Variants in CEP112 observed in about 807,000 individuals in gnomAD.
CEP112 encodes the protein centrosomal protein 112.
CEP112 carries 127 observed loss-of-function variants against 153.0 expected under a neutral mutation model. That is an observed-to-expected ratio of 0.83 (90% confidence interval 0.72 to 0.96). The LOEUF (loss-of-function observed/expected upper bound fraction) is 0.96, where lower values mean the gene tolerates loss of function less well. Ranked by LOEUF, CEP112 falls within the 40% of genes least tolerant of loss-of-function variation. CEP112 has a pLI of 0.00. For synonymous variants in CEP112, 358 were observed against 374.4 expected, an observed-to-expected ratio of 0.96 and a Z score of 0.51; for missense variants, 1,089 against 1,101.2, an observed-to-expected ratio of 0.99 and a Z score of 0.16.
At chr17:66,033,644 G>A (rs1229685075) in intron 12 of CEP112, among the ~76,000 whole-genome samples, 1 of 152,094 alleles carries the variant, frequency 6.6e-6, no homozygotes, top group Non-Finnish European at 1.5e-5. Flanking sequence ...CCACCTAAAT[G>A]TCATCTTGTG....
At chr17:65,994,467 A>G (rs780340977) in intron 17 of CEP112, among the ~76,000 whole-genome samples, 2 of 152,154 alleles carry the variant, frequency 1.3e-5, no homozygotes, top group South Asian at 4.1e-4. Context: ...AGCTAGGACT[A>G]TAGAGGCATG....
intron 12 of CEP112, among the ~76,000 whole-genome samples, chr17:66,032,989 C>T (rs1427985275): frequency 6.6e-6 from 1 of 152,060 alleles, no homozygotes; most frequent in Non-Finnish European, 1.5e-5. Context: ...GCATACATTC[C>T]AACTGTAGCT....
intron 19 of CEP112, among the ~76,000 whole-genome samples, chr17:65,906,937 T>C (rs2060106419): frequency 6.6e-6 from 1 of 152,192 alleles, no homozygotes; most frequent in Non-Finnish European, 1.5e-5. Flanking sequence ...TCAAAATCAT[T>C]TAAGCATGTA....
chr17:65,896,569 A>G (rs2059665962), intron 20 of CEP112, among the ~76,000 whole-genome samples: 1 of 152,072 alleles, frequency 6.6e-6, no homozygotes, highest in South Asian at 2.1e-4. Context: ...TTATTATTAA[A>G]TTCACATGTA....
intron 18 of CEP112, among the ~76,000 whole-genome samples, chr17:65,949,624 AAAG>A (rs1265499850): frequency 1.3e-5 from 2 of 152,222 alleles, no homozygotes; most frequent in African/African-American, 4.8e-5. Context: ...ACTCTTAGAT[AAAG>A]AAGAAGGAGA....
intron 6 of CEP112, among the ~76,000 whole-genome samples, chr17:66,125,987 A>G (rs2069831261): frequency 6.6e-6 from 1 of 152,196 alleles, no homozygotes; most frequent in South Asian, 2.1e-4. Flanking sequence ...GCTTCATTCA[A>G]TGGAAGATTT....
At chr17:65,707,571 T>A (rs1210107010) in intron 23 of CEP112, among the ~76,000 whole-genome samples, 1 of 152,186 alleles carries the variant, frequency 6.6e-6, no homozygotes, top group Non-Finnish European at 1.5e-5. Context: ...GGCTTCTCCT[T>A]GTACCAGTCT....
chr17:65,913,822 A>G, intron 19 of CEP112: 2 of 985,460 alleles, frequency 2.0e-6, no homozygotes, highest in Non-Finnish European at 2.4e-6. Flanking sequence ...GCAAGCTGAT[A>G]GATGAAGCAA....
intron 21 of CEP112, among the ~76,000 whole-genome samples, chr17:65,760,727 T>C (rs981581415): frequency 6.6e-6 from 1 of 152,130 alleles, no homozygotes; most frequent in Admixed American, 6.6e-5. Flanking sequence ...AATGCTTCTG[T>C]CTGGTTTTGG....
At chr17:65,939,877 C>T (rs944925653) in intron 18 of CEP112, among the ~76,000 whole-genome samples, 1 of 152,012 alleles carries the variant, frequency 6.6e-6, no homozygotes, top group Non-Finnish European at 1.5e-5. Context: ...CGAAGGCAAA[C>T]ACAGACAAAT....
intron 17 of CEP112, among the ~76,000 whole-genome samples, chr17:65,962,433 C>T (rs1025523844): frequency 5.9e-5 from 9 of 152,122 alleles, no homozygotes; most frequent in African/African-American, 1.9e-4. Context: ...TTTCTTCATA[C>T]CTTAGGCGGA....
At chr17:65,961,689 C>T (rs570436036) in intron 17 of CEP112, 91 bp from the exon 18 acceptor site, 4 of 1,219,098 alleles carry the variant, frequency 3.3e-6, no homozygotes, top group East Asian at 2.5e-5. Context: ...AAAATAAAAT[C>T]CAGATTTTAA....
intron 24 of CEP112, chr17:65,661,927 T>C (rs553004481): frequency 8.1e-5 from 12 of 148,266 alleles, no homozygotes; most frequent in African/African-American, 3.0e-4. Flanking sequence ...GTAATGAATA[T>C]ATATATGTGT....
At chr17:65,671,513 A>G (rs184961740) in intron 24 of CEP112, among the ~76,000 whole-genome samples, 1 of 152,206 alleles carries the variant, frequency 6.6e-6, no homozygotes, top group Non-Finnish European at 1.5e-5. Flanking sequence ...TCCCTGAACC[A>G]ACTGGAGATA....
chr17:65,926,627 C>T (rs1055596987), intron 19 of CEP112, among the ~76,000 whole-genome samples: 1 of 152,044 alleles, frequency 6.6e-6, no homozygotes, highest in Non-Finnish European at 1.5e-5. Context: ...GCAGAAGAAT[C>T]GCTTGAACCC....
At chr17:65,991,021 T>C (rs1279183911) in intron 17 of CEP112, among the ~76,000 whole-genome samples, 1 of 152,288 alleles carries the variant, frequency 6.6e-6, no homozygotes, top group Non-Finnish European at 1.5e-5. Context: ...ACCCAGATAA[T>C]ACACCTTGGG....
At chr17:66,040,472 GA>G (rs1459034892) in intron 12 of CEP112, among the ~76,000 whole-genome samples, 1 of 147,168 alleles carries the variant, frequency 6.8e-6, no homozygotes, top group Non-Finnish European at 1.5e-5. Context: ...CTTCCATTCT[GA>G]ATTGCCTTTT....
intron 17 of CEP112, among the ~76,000 whole-genome samples, chr17:65,997,037 C>T (rs1332710911): frequency 6.6e-6 from 1 of 152,064 alleles, no homozygotes; most frequent in Non-Finnish European, 1.5e-5. Context: ...AGTGAAACCT[C>T]GTCTCTACTA....
chr17:65,912,837 C>T (rs941615397), intron 19 of CEP112, among the ~76,000 whole-genome samples: 1 of 152,158 alleles, frequency 6.6e-6, no homozygotes, highest in Non-Finnish European at 1.5e-5. Context: ...CCAGGTAACA[C>T]TTTCCTCTCA....
Sources: gnomAD v4.1 joint callset for allele counts (sites outside exome capture counted in the v4.1 genomes callset) on GRCh38, gnomAD v4.1.1 for gene constraint, MANE v1.5 for transcripts, NCBI Gene and HGNC (gene_info 2026-07-23, HGNC 2026-07-21) for gene names.